KCNIP4: variants seen among roughly 807,000 people sequenced by gnomAD.
The protein encoded by KCNIP4 is potassium voltage-gated channel interacting protein 4.
In KCNIP4, 12 loss-of-function variants were observed where a neutral mutation model predicts 34.0. That is an observed-to-expected ratio of 0.35 (90% CI 0.23 to 0.57). The LOEUF (loss-of-function observed/expected upper bound fraction) is 0.57. KCNIP4 is among the 20% of genes least tolerant of loss of function. The pLI is 0.83. For synonymous variants in KCNIP4, 124 were observed against 102.2 expected (o/e 1.21, Z -1.29); for missense variants, 238 against 311.7 (o/e 0.76, Z 1.78).
intron 1 of KCNIP4, among the ~76,000 whole-genome samples, chr4:21,692,915 G>T: frequency 7.8e-6 from 1 of 128,432 alleles, no homozygotes; most frequent in Admixed American, 9.6e-5. Context: ...TACTTCCTTT[G>T]TGTGAGATGT....
At chr4:21,568,896 A>C (rs1288444618) in intron 1 of KCNIP4, among the ~76,000 whole-genome samples, 1 of 152,076 alleles carries the variant, frequency 6.6e-6, no homozygotes, top group African/African-American at 2.4e-5. Context: ...CCTTTAGAGA[A>C]CACTGACTAA....
At chr4:21,433,868 T>C (rs1286612337) in intron 1 of KCNIP4, among the ~76,000 whole-genome samples, 1 of 152,230 alleles carries the variant, frequency 6.6e-6, no homozygotes, top group East Asian at 1.9e-4. Flanking sequence ...TATCAACTGA[T>C]TTATAAATAA....
At chr4:21,424,164 A>G (rs759829306) in intron 1 of KCNIP4, among the ~76,000 whole-genome samples, 3 of 151,822 alleles carry the variant, frequency 2.0e-5, no homozygotes, top group Non-Finnish European at 4.4e-5. Context: ...CCAAGACTTG[A>G]TGGAGGATGG....
chr4:21,237,051 T>G (rs541233579), intron 1 of KCNIP4, among the ~76,000 whole-genome samples: 1 of 151,660 alleles, frequency 6.6e-6, no homozygotes, highest in East Asian at 1.9e-4. Context: ...CAAATTATTC[T>G]CTAAATTACA....
intron 2 of KCNIP4, among the ~76,000 whole-genome samples, chr4:20,877,599 T>G (rs545295024): frequency 6.6e-6 from 1 of 152,210 alleles, no homozygotes; most frequent in Admixed American, 6.5e-5. Context: ...TAGGCTATTA[T>G]TATTACTACT....
intron 3 of KCNIP4, among the ~76,000 whole-genome samples, chr4:20,761,466 G>C (rs1170754195): frequency 6.6e-6 from 1 of 152,138 alleles, no homozygotes; most frequent in African/African-American, 2.4e-5. Flanking sequence ...TAAACACTTT[G>C]CAGTTAGACC....
chr4:21,293,372 C>G (rs1222847599), intron 1 of KCNIP4, among the ~76,000 whole-genome samples: 2 of 152,138 alleles, frequency 1.3e-5, no homozygotes, highest in Admixed American at 1.3e-4. Flanking sequence ...AGTCCATACT[C>G]TCTCCACTCA....
intron 1 of KCNIP4, among the ~76,000 whole-genome samples, chr4:21,259,577 T>C (rs1281740264): frequency 6.6e-6 from 1 of 152,192 alleles, no homozygotes; most frequent in Non-Finnish European, 1.5e-5. Context: ...GAACTCTTGT[T>C]ATTACAGAAA....
chr4:21,711,483 A>G (rs1197407727), intron 1 of KCNIP4, among the ~76,000 whole-genome samples: 1 of 152,128 alleles, frequency 6.6e-6, no homozygotes, highest in Admixed American at 6.5e-5. Flanking sequence ...TCCGTCTCAA[A>G]AAAACAAAAA....
At chr4:21,109,270 G>A (rs543274201) in intron 1 of KCNIP4, among the ~76,000 whole-genome samples, 235 of 152,256 alleles carry the variant, frequency 1.5e-3, no homozygotes, top group African/African-American at 4.8e-3. Flanking sequence ...CGAGCTTCCC[G>A]GCTGCTTTGT....
intron 1 of KCNIP4, among the ~76,000 whole-genome samples, chr4:21,897,331 A>G (rs781773673): frequency 6.6e-6 from 1 of 152,174 alleles, no homozygotes; most frequent in Non-Finnish European, 1.5e-5. Context: ...CTTTAAAAGC[A>G]AGGTTCTAAT....
At chr4:21,289,000 A>G (rs1578025635) in intron 1 of KCNIP4, among the ~76,000 whole-genome samples, 1 of 152,202 alleles carries the variant, frequency 6.6e-6, no homozygotes, top group South Asian at 2.1e-4. Context: ...CTAAGAACAG[A>G]TAACTATTAT....
chr4:21,802,373 C>G (rs1177823979), intron 1 of KCNIP4, among the ~76,000 whole-genome samples: 1 of 152,172 alleles, frequency 6.6e-6, no homozygotes, highest in South Asian at 2.1e-4. Flanking sequence ...CAAAACTCAT[C>G]GTCTCTCTGC....
At chr4:21,080,316 A>T (rs544410306) in intron 1 of KCNIP4, among the ~76,000 whole-genome samples, 4 of 151,916 alleles carry the variant, frequency 2.6e-5, no homozygotes, top group Non-Finnish European at 5.9e-5. Flanking sequence ...TCCTTTGGAA[A>T]AGTGGGCACA....
chr4:21,824,759 C>T (rs2109296342), intron 1 of KCNIP4, among the ~76,000 whole-genome samples: 1 of 152,216 alleles, frequency 6.6e-6, no homozygotes, highest in Non-Finnish European at 1.5e-5. Flanking sequence ...TAGATGGGCT[C>T]TATCTGGGCA....
At chr4:20,842,184 G>T (rs890928834) in intron 3 of KCNIP4, among the ~76,000 whole-genome samples, 4 of 152,080 alleles carry the variant, frequency 2.6e-5, no homozygotes, top group Non-Finnish European at 5.9e-5. Flanking sequence ...TTACAGTGAT[G>T]AGCCTGAACT....
chr4:21,093,850 C>A (rs991937700), intron 1 of KCNIP4, among the ~76,000 whole-genome samples: 79 of 152,120 alleles, frequency 5.2e-4, no homozygotes, highest in Non-Finnish European at 9.3e-4. Context: ...TGGGAGGCCA[C>A]GGCGGGAGGA....
intron 1 of KCNIP4, among the ~76,000 whole-genome samples, chr4:21,536,695 C>T (rs561211037): frequency 2.0e-3 from 309 of 151,872 alleles, no homozygotes; most frequent in Admixed American, 3.9e-3. Flanking sequence ...AAATGAGAAT[C>T]GCTTGAACTC....
intron 1 of KCNIP4, among the ~76,000 whole-genome samples, chr4:21,652,536 C>T (rs1263359968): frequency 6.6e-6 from 1 of 152,086 alleles, no homozygotes; most frequent in Non-Finnish European, 1.5e-5. Flanking sequence ...GCCTGAAAAC[C>T]TGCTGAAGCC....
Sources: gnomAD v4.1 joint callset for allele counts (sites outside exome capture counted in the v4.1 genomes callset) on GRCh38, gnomAD v4.1.1 for gene constraint, MANE v1.5 for transcripts, NCBI Gene and HGNC (gene_info 2026-07-23, HGNC 2026-07-21) for gene names.